Variants in MANBA observed in about 807,000 individuals in gnomAD.
MANBA encodes the protein beta-mannosidase.
In MANBA, 83 loss-of-function variants were observed where a neutral mutation model predicts 111.1. That is an observed-to-expected ratio of 0.75 (90% confidence interval 0.63 to 0.90). The LOEUF (loss-of-function observed/expected upper bound fraction) is 0.90. Ranked by LOEUF, MANBA falls within the 40% of genes least tolerant of loss-of-function variation. The probability of loss-of-function intolerance (pLI) is 0.00; values close to 1 mark genes in which losing one functional copy is unlikely to be tolerated. For missense variants in MANBA, 1,036 were observed against 1,069.0 expected (o/e 0.97, Z 0.43); for synonymous variants, 370 against 378.7 (o/e 0.98, Z 0.27).
intron 14 of MANBA, among the ~76,000 whole-genome samples, chr4:102,638,746 A>G (rs1729740491): frequency 6.6e-6 from 1 of 152,168 alleles, no homozygotes. Flanking sequence ...TGGTGCTGAT[A>G]AAGAGTTTGG....
chr4:102,751,295 C>A, intron 1 of MANBA: 1 of 322,888 alleles, frequency 3.1e-6, no homozygotes, highest in Middle Eastern at 1.1e-3. Flanking sequence ...ACTGCAGCTT[C>A]TCGCTTACCT....
Position 102,630,825 on chromosome 4 carries a change from G to A in MANBA, c.*1232C>T, listed in dbSNP as rs977876317. The A allele has an allele frequency of 1.3e-5, 2 of 152,132 alleles. No individual in the cohort carries two copies. The highest frequency in any genetic ancestry group is 3.9e-4 in the East Asian group (2 of 5,192). The allele number at this position is 152,132 out of a possible 1,614,324, so 9.4% of individuals were successfully genotyped here. ...AGGTGGGTGTTACCACTCCCATTTA[G>A]CCACAAGAAAACTGAGCACAGGAAG... On this transcript the variant is annotated 3_prime_UTR_variant, in exon 17 of 17. Coordinates refer to ENST00000647097, the MANE Select transcript of MANBA (RefSeq NM_005908.4).
chr4:102,724,591 G>A (rs1722723138), intron 2 of MANBA, among the ~76,000 whole-genome samples: 1 of 151,302 alleles, frequency 6.6e-6, no homozygotes, highest in African/African-American at 2.4e-5. Flanking sequence ...GACATAAAAT[G>A]TTCTCACAAA....
chr4:102,634,266 A>G (rs1729514904), intron 16 of MANBA, among the ~76,000 whole-genome samples: 1 of 152,184 alleles, frequency 6.6e-6, no homozygotes, highest in Admixed American at 6.5e-5. Flanking sequence ...AGCTACTTTG[A>G]AGCAATAAAT....
chr4:102,641,308 T>A (rs1729870053), intron 13 of MANBA, among the ~76,000 whole-genome samples: 1 of 152,108 alleles, frequency 6.6e-6, no homozygotes, highest in African/African-American at 2.4e-5. Flanking sequence ...CTGGTGAGAA[T>A]TGCAGGGGCC....
In MANBA at chr4:102,726,820, G is replaced by C. The variant is rs920865625; in HGVS notation, c.178-137C>G. On this transcript the variant is annotated intron_variant, in intron 1 of 16. Coordinates refer to ENST00000647097, the MANE Select transcript of MANBA (RefSeq NM_005908.4). The stretch of plus-strand genomic sequence containing the variant: ...CGAACTTTTAGCCTAGTAGTACAAA[G>C]AGGGGACAGATCGTTAATACTGAAA... 1.6e-5 allele frequency: 10 copies of C among 630,130 alleles called. No homozygotes were observed. In the African/African-American group the frequency reaches 1.8e-4, roughly 12 times the overall value. The allele number at this position is 630,130 out of a possible 1,614,324, so 39.0% of individuals were successfully genotyped here. A position where few individuals can be genotyped will look rare whatever the true frequency, so the allele number is the denominator to read the frequency against.
chr4:102,635,256 G>A (rs1256965183), intron 15 of MANBA, among the ~76,000 whole-genome samples: 2 of 152,144 alleles, frequency 1.3e-5, no homozygotes, highest in African/African-American at 4.8e-5. Context: ...GAAAATAACA[G>A]CAGTAATGTC....
chr4:102,728,777 A>T, intron 1 of MANBA: 1 of 937,714 alleles, frequency 1.1e-6, no homozygotes, highest in Non-Finnish European at 1.6e-6. Context: ...GGACTAGGAC[A>T]CCAGCCTCCC....
chr4:102,710,078 G>T lies in MANBA; in HGVS notation c.673+4360C>A, dbSNP rs1234745538. Among the ~76,000 whole-genome samples the T allele has an allele frequency of 2.0e-5, 3 of 152,154 alleles. 1 individual carries two copies. The highest frequency in any genetic ancestry group is 2.0e-4 in the Admixed American group (3 of 15,272). On this transcript the variant is annotated intron_variant, in intron 5 of 16. Transcript: ENST00000647097. Reference sequence around the variant, plus strand: ...CACACCAAATGAGGAGGAGCTGAAAGTCTTTCCTCTAAGAACTAGAATGGG... The same window carrying T: ...CACACCAAATGAGGAGGAGCTGAAATTCTTTCCTCTAAGAACTAGAATGGG...
Position 102,634,844 on chromosome 4 carries a change from A to T in MANBA, c.2359T>A (p.Tyr787Asn), listed in dbSNP as rs1214623218. ...TCCTTCGGTGAGGACAAGAAGTGGT[A>T]GTTGGTCGGGCTCAGGAGTTCATGG... ...ADHELLSPTN[Y>N]HFLSSPKEAV... Residue 787 changes from tyrosine to asparagine, a missense_variant, in exon 16 of 17, where the codon TAC (tyrosine) becomes AAC (asparagine). Physicochemically the swap from Tyr to Asn is moderately radical, Grantham distance 143 (BLOSUM62 -2). Transcript: ENST00000647097. 6.2e-7 allele frequency: 1 copy of T among 1,614,078 alleles called. No individual in the cohort carries two copies. The highest frequency in any genetic ancestry group is 1.3e-5 in the African/African-American group (1 of 74,932).
rs138778328 is a variant in MANBA, at chr4:102,639,783, T to C, written c.1944A>G (p.Gln648=). Residue 648 remains glutamine (Q), a synonymous_variant, in exon 14 of 17, where the codon CAA becomes CAG. Transcript: ENST00000647097. ...RRSRSEIVDQ[Q]GHTMGALYWQ... ...AATAAAGTGCCCCCATCGTGTGCCC[T>C]TGCTGATCCACTATCTCGCTGCGAC... is the stretch of plus-strand genomic sequence containing the variant. The C allele has an allele frequency of 2.0e-5, 32 of 1,614,124 alleles. No homozygotes were observed. The African/African-American group carries it at 2.5e-4, about 13-fold the overall frequency.
chr4:102,633,867 T>C (rs995674675), intron 16 of MANBA, among the ~76,000 whole-genome samples: 2 of 151,472 alleles, frequency 1.3e-5, no homozygotes, highest in South Asian at 2.1e-4. Context: ...GATTTTATTA[T>C]GTGACTATAG....
intron 13 of MANBA, among the ~76,000 whole-genome samples, chr4:102,640,431 G>A (rs1729830213): frequency 6.6e-6 from 1 of 152,162 alleles, no homozygotes. Flanking sequence ...CAGAACAGAT[G>A]GCAAATTGCA....
chr4:102,760,333 C>G (rs554724971), intron 1 of MANBA, among the ~76,000 whole-genome samples: 1 of 152,304 alleles, frequency 6.6e-6, no homozygotes, highest in South Asian at 2.1e-4. Context: ...CTTAACAAAA[C>G]GCTGTTGTCC....
chr4:102,671,776 C>T (rs1397853026), intron 8 of MANBA: 3 of 428,342 alleles, frequency 7.0e-6, no homozygotes, highest in Non-Finnish European at 1.2e-5. Flanking sequence ...TAGTGCCTAG[C>T]ACCCCTATCT....
intron 1 of MANBA, among the ~76,000 whole-genome samples, chr4:102,754,506 G>A (rs1723930944): frequency 6.6e-6 from 1 of 151,994 alleles, no homozygotes; most frequent in South Asian, 2.1e-4. Flanking sequence ...ATGCAGGTAA[G>A]AGCATCACAA....
chr4:102,746,136 C>T lies in MANBA; in HGVS notation c.177+14582G>A, dbSNP rs112325765. ...GTTGCCACTACTGGGGATGAAGAAG[C>T]TGTTTCTTCTGGCAAAAAAGGTTCA... On this transcript the variant is annotated intron_variant, in intron 1 of 16. Coordinates refer to ENST00000647097, the MANE Select transcript of MANBA (RefSeq NM_005908.4). 1.9e-3 allele frequency among the ~76,000 whole-genome samples: 289 copies of T among 152,322 alleles called. 1 individual carries two copies. Among genetic ancestry groups the T allele is most frequent in the African/African-American group, 6.7e-3 (278 of 41,570 alleles).
chr4:102,753,489 A>T (rs1723885972), intron 1 of MANBA, among the ~76,000 whole-genome samples: 1 of 152,188 alleles, frequency 6.6e-6, no homozygotes, highest in South Asian at 2.1e-4. Flanking sequence ...TAAAAGTAAT[A>T]TATCAGCGGA....
chr4:102,710,746 C>G (rs1057273980), intron 5 of MANBA, among the ~76,000 whole-genome samples: 1 of 152,066 alleles, frequency 6.6e-6, no homozygotes, highest in African/African-American at 2.4e-5. Flanking sequence ...TACCTGAAAA[C>G]AGACACATAA....
Sources: allele counts gnomAD v4.1 joint callset (sites outside exome capture counted in the v4.1 genomes callset), GRCh38; gene constraint gnomAD v4.1.1; transcripts MANE v1.5; gene names NCBI Gene and HGNC (gene_info 2026-07-23, HGNC 2026-07-21).